GRM5: variants seen among roughly 807,000 people sequenced by gnomAD.
GRM5 encodes the protein glutamate metabotropic receptor 5, also known as metabotropic glutamate receptor 5.
A neutral mutation model predicts 83.1 loss-of-function variants in GRM5; 19 were observed. The observed-to-expected ratio is 0.23, with a 90% CI of 0.16 to 0.34. The LOEUF (loss-of-function observed/expected upper bound fraction) is 0.34. Ranked by LOEUF, GRM5 falls within the 10% of genes least tolerant of loss-of-function variation. The pLI is 1.00. For missense variants in GRM5, 1,160 were observed against 1,588.3 expected (o/e 0.73, Z 4.58); for synonymous variants, 675 against 633.6 (o/e 1.07, Z -0.98).
intron 2 of GRM5, among the ~76,000 whole-genome samples, chr11:88,968,140 T>TA (rs1438471277): frequency 1.3e-5 from 2 of 152,148 alleles, no homozygotes; most frequent in African/African-American, 4.8e-5. Flanking sequence ...CATGTCATAT[T>TA]AAAATCATTG....
In GRM5 at chr11:88,941,528, GGAGAGGAGGAGGAGGA is replaced by G. The variant is rs558903004; in HGVS notation, c.662-91389_662-91374del. On this transcript the variant is annotated intron_variant, in intron 2 of 9. Coordinates refer to ENST00000305447, the MANE Select transcript of GRM5 (RefSeq NM_001143831.3). ...AGAGGAGGGGAGAGGAGAGAGGAGG[GGAGAGGAGGAGGAGGA>G]GAGAGGAGGAGGAGGAGAGGAGGAG... Among the ~76,000 whole-genome samples the G allele has an allele frequency of 7.8e-3, 267 of 34,016 alleles. 2 individuals are homozygous for G. Among genetic ancestry groups the G allele is most frequent in the South Asian group, 0.011 (4 of 366 alleles). 22.3% of individuals were successfully genotyped at this position (34,016 alleles called of 152,430 possible). A position where few individuals can be genotyped will look rare whatever the true frequency, so the allele number is the denominator to read the frequency against.
intron 8 of GRM5, among the ~76,000 whole-genome samples, chr11:88,553,502 A>C (rs1046957181): frequency 2.0e-5 from 3 of 152,124 alleles, no homozygotes; most frequent in Admixed American, 2.0e-4. Flanking sequence ...CCTGACTCTC[A>C]CTAATGGGCC....
At chr11:88,825,213 T>TC (rs1943873890) in intron 3 of GRM5, among the ~76,000 whole-genome samples, 2 of 152,070 alleles carry the variant, frequency 1.3e-5, no homozygotes, top group Non-Finnish European at 2.9e-5. Flanking sequence ...TAAAATCAAC[T>TC]ACACTGGATC....
chr11:88,844,981 T>C (rs978111009), intron 3 of GRM5, among the ~76,000 whole-genome samples: 10 of 152,220 alleles, frequency 6.6e-5, no homozygotes, highest in African/African-American at 2.4e-4. Context: ...GCTATAAGCA[T>C]TGTTGAAATG....
At chr11:88,667,764 G>T (rs560033235) in intron 3 of GRM5, among the ~76,000 whole-genome samples, 30 of 152,060 alleles carry the variant, frequency 2.0e-4, no homozygotes, top group African/African-American at 7.0e-4. Context: ...GTGGTGGCAG[G>T]CGCCTGTAGT....
At chr11:88,762,507 A>C (rs527992883) in intron 3 of GRM5, among the ~76,000 whole-genome samples, 1 of 139,518 alleles carries the variant, frequency 7.2e-6, no homozygotes, top group South Asian at 2.2e-4. Flanking sequence ...CTCAGAATGT[A>C]TTATTAAAAA....
At chr11:88,563,054 T>G (rs780910671) in intron 8 of GRM5, among the ~76,000 whole-genome samples, 1 of 152,200 alleles carries the variant, frequency 6.6e-6, no homozygotes, top group Non-Finnish European at 1.5e-5. Flanking sequence ...GAAAATGAAC[T>G]CTAAAGAGTA....
At chr11:88,989,311 C>G (rs1439396977) in intron 2 of GRM5, among the ~76,000 whole-genome samples, 17 of 143,282 alleles carry the variant, frequency 1.2e-4, no homozygotes, top group African/African-American at 4.5e-4. Flanking sequence ...GAAGAGCTAA[C>G]TATCCTAAAT....
At chr11:88,535,951 G>C (rs888577716) in intron 8 of GRM5, among the ~76,000 whole-genome samples, 1 of 152,176 alleles carries the variant, frequency 6.6e-6, no homozygotes, top group African/African-American at 2.4e-5. Context: ...GAGAGAGATC[G>C]ATTGGGTAAA....
intron 2 of GRM5, among the ~76,000 whole-genome samples, chr11:88,873,814 G>T (rs188812964): frequency 4.6e-5 from 7 of 151,724 alleles, no homozygotes; most frequent in African/African-American, 1.7e-4. Flanking sequence ...CTAGAAAAAT[G>T]AGAACAAAAT....
At position 88,707,195 on chromosome 11, in the gene GRM5, C is replaced by T. The variant is rs191729566; in HGVS notation, c.912-53792G>A. Among the ~76,000 whole-genome samples, 3 of 152,200 alleles carry T rather than the reference C, an allele frequency of 2.0e-5. No homozygotes were observed. In the East Asian group the frequency reaches 5.8e-4, roughly 29 times the overall value. ...GTGTGATCTTGGATGGATTACTTAACTGTGCTTCAGTTTCTTTATCTGTAA... is the reference window on the plus strand; with the variant it reads ...GTGTGATCTTGGATGGATTACTTAATTGTGCTTCAGTTTCTTTATCTGTAA... On this transcript the variant is annotated intron_variant, in intron 3 of 9. Coordinates refer to ENST00000305447, the MANE Select transcript of GRM5 (RefSeq NM_001143831.3).
At chr11:88,913,312 G>A (rs544723601) in intron 2 of GRM5, among the ~76,000 whole-genome samples, 23 of 152,184 alleles carry the variant, frequency 1.5e-4, no homozygotes, top group African/African-American at 5.1e-4. Flanking sequence ...CCAGTCTCTC[G>A]ACAATTCTCT....
At chr11:88,569,814 G>C (rs940150383) in intron 7 of GRM5, among the ~76,000 whole-genome samples, 4 of 152,130 alleles carry the variant, frequency 2.6e-5, no homozygotes, top group African/African-American at 9.7e-5. Context: ...GATATATGCA[G>C]GGAAAACAAA....
At chr11:88,810,289 A>T (rs960634706) in intron 3 of GRM5, among the ~76,000 whole-genome samples, 32 of 152,230 alleles carry the variant, frequency 2.1e-4, no homozygotes, top group African/African-American at 7.2e-4. Flanking sequence ...CTTTGGTTAA[A>T]AAAACTTGGG....
At chr11:88,558,923 T>C (rs1211417806) in intron 8 of GRM5, among the ~76,000 whole-genome samples, 2 of 151,682 alleles carry the variant, frequency 1.3e-5, no homozygotes, top group Non-Finnish European at 2.9e-5. Context: ...AGGGAAAAAT[T>C]AGTAAATAGA....
chr11:88,689,700 C>G (rs1431291741), intron 3 of GRM5, among the ~76,000 whole-genome samples: 1 of 152,170 alleles, frequency 6.6e-6, no homozygotes, highest in Non-Finnish European at 1.5e-5. Context: ...CTTCTACCTG[C>G]TCAGCTTTAA....
chr11:88,796,907 T>TAC (rs1473882059), intron 3 of GRM5, among the ~76,000 whole-genome samples: 10 of 15,416 alleles, frequency 6.5e-4, no homozygotes, highest in East Asian at 3.4e-3. Flanking sequence ...CACGTGTGTG[T>TAC]GTGTGTGTGT....
chr11:88,570,174 T>C (rs1942957808), intron 7 of GRM5, among the ~76,000 whole-genome samples: 1 of 152,160 alleles, frequency 6.6e-6, no homozygotes, highest in African/African-American at 2.4e-5. Flanking sequence ...ATAATGGATT[T>C]AATAGGAGTT....
chr11:89,053,608 A>C (rs1389872375), intron 1 of GRM5, among the ~76,000 whole-genome samples: 1 of 152,124 alleles, frequency 6.6e-6, no homozygotes, highest in Non-Finnish European at 1.5e-5. Context: ...CTGTATTCGA[A>C]GAGGGTTTGC....
Sources: gnomAD v4.1 joint callset for allele counts (sites outside exome capture counted in the v4.1 genomes callset) on GRCh38, gnomAD v4.1.1 for gene constraint, MANE v1.5 for transcripts, NCBI Gene and HGNC (gene_info 2026-07-23, HGNC 2026-07-21) for gene names.